The following ZCCHC4 variants were observed in gnomAD, a reference collection of about 807,000 sequenced individuals.
The protein encoded by ZCCHC4 is rRNA N(6)-adenosine-methyltransferase ZCCHC4.
In ZCCHC4, 54 loss-of-function variants were observed where a neutral mutation model predicts 67.7. The ratio of observed to expected loss-of-function variants is 0.80; its 90% CI spans 0.64 to 1.00. The LOEUF (loss-of-function observed/expected upper bound fraction) is 1.00. ZCCHC4 is among the 50% of genes least tolerant of loss of function. The pLI, the probability that ZCCHC4 is intolerant of heterozygous loss-of-function variation, is 0.00. For synonymous variants in ZCCHC4, 198 were observed against 213.5 expected, an observed-to-expected ratio of 0.93 and a Z score of 0.63; for missense variants, 609 against 617.0, an observed-to-expected ratio of 0.99 and a Z score of 0.14.
intron 10 of ZCCHC4, among the ~76,000 whole-genome samples, chr4:25,362,562 G>T (rs954998104): frequency 6.6e-6 from 1 of 152,092 alleles, no homozygotes. Context: ...CTCAAATAAG[G>T]CATTAAATGA....
At chr4:25,338,237 G>A (rs1447011220) in intron 5 of ZCCHC4, among the ~76,000 whole-genome samples, 1 of 152,094 alleles carries the variant, frequency 6.6e-6, no homozygotes, top group African/African-American at 2.4e-5. Flanking sequence ...GGGACCACAG[G>A]CGTGTGCCAC....
At chr4:25,323,264 C>T (rs1718679467) in intron 3 of ZCCHC4, among the ~76,000 whole-genome samples, 1 of 152,084 alleles carries the variant, frequency 6.6e-6, no homozygotes, top group African/African-American at 2.4e-5. Flanking sequence ...CAACTGTTAG[C>T]TTACTTTGTT....
At chr4:25,360,096 C>G (rs1022943350) in intron 8 of ZCCHC4, among the ~76,000 whole-genome samples, 1 of 152,212 alleles carries the variant, frequency 6.6e-6, no homozygotes, top group African/African-American at 2.4e-5. Flanking sequence ...GAGCCAGGAA[C>G]AGTTTGCCTT....
intron 3 of ZCCHC4, among the ~76,000 whole-genome samples, chr4:25,327,943 G>A (rs551946691): frequency 1.5e-4 from 23 of 152,190 alleles, no homozygotes; most frequent in East Asian, 7.7e-4. Flanking sequence ...ACTATATTTC[G>A]TCATGATGTA....
chr4:25,340,793 A>G (rs1452328761), intron 5 of ZCCHC4, among the ~76,000 whole-genome samples: 1 of 152,006 alleles, frequency 6.6e-6, no homozygotes, highest in African/African-American at 2.4e-5. Flanking sequence ...TGTGGTGTTA[A>G]TAGTACTCTG....
At chr4:25,366,040 C>A in intron 12 of ZCCHC4, 4 of 977,752 alleles carry the variant, frequency 4.1e-6, no homozygotes, top group Non-Finnish European at 4.9e-6. Flanking sequence ...TACCATGTGA[C>A]TATGACTTGT....
intron 5 of ZCCHC4, among the ~76,000 whole-genome samples, chr4:25,338,337 G>A (rs1327460557): frequency 6.6e-6 from 1 of 152,182 alleles, no homozygotes; most frequent in Non-Finnish European, 1.5e-5. Flanking sequence ...AATGCAGTGT[G>A]CCTGCCTCAG....
chr4:25,355,805 A>G (rs1352653606), intron 8 of ZCCHC4, among the ~76,000 whole-genome samples: 4 of 152,230 alleles, frequency 2.6e-5, no homozygotes, highest in Non-Finnish European at 4.4e-5. Context: ...AGATGTCCGC[A>G]TGTCAATTTC....
chr4:25,327,155 A>C (rs6813100), intron 3 of ZCCHC4, among the ~76,000 whole-genome samples: 66,317 of 151,988 alleles, frequency 0.44, 16,395 homozygotes, highest in Non-Finnish European at 0.56. Context: ...TTTAATGTTT[A>C]CTTTCCAATT....
intron 3 of ZCCHC4, among the ~76,000 whole-genome samples, chr4:25,322,147 G>A (rs1323403003): frequency 1.3e-5 from 2 of 152,170 alleles, no homozygotes; most frequent in Non-Finnish European, 2.9e-5. Context: ...TGTGATGCAG[G>A]CTGACAGGCT....
In ZCCHC4 at chr4:25,358,479, G is replaced by A. The variant is rs1290396144; in HGVS notation, c.1012-3380G>A. ...AATAGACTTTCTTGTAAAGTCTGTT[G>A]TATTAGATAAAAGATTAGAGTTGTT... On this transcript the variant is annotated intron_variant, in intron 8 of 12. Coordinates refer to ENST00000302874, the MANE Select transcript of ZCCHC4 (RefSeq NM_024936.3). Among the ~76,000 whole-genome samples the A allele has an allele frequency of 2.0e-5, 3 of 152,182 alleles. No individual in the cohort carries two copies. The East Asian group carries it at 5.8e-4, about 29-fold the overall frequency.
chr4:25,362,524 A>G (rs975717945), intron 10 of ZCCHC4, among the ~76,000 whole-genome samples: 1 of 152,224 alleles, frequency 6.6e-6, no homozygotes, highest in Non-Finnish European at 1.5e-5. Flanking sequence ...TTCAAATGGT[A>G]CTGTGTGACT....
intron 3 of ZCCHC4, among the ~76,000 whole-genome samples, chr4:25,328,640 G>GGC (rs1719015227): frequency 6.6e-6 from 1 of 152,032 alleles, no homozygotes; most frequent in Non-Finnish European, 1.5e-5. Context: ...GGAGTGCAGT[G>GGC]GTGCAATCAT....
Position 25,362,231 on chromosome 4 carries a change from GCT to G in ZCCHC4, c.1143_1144del (p.Pro382ValfsTer13), listed in dbSNP as rs1720766839. ...TTCTCTGTCCTTTACTCTAGATTTT[GCT>G]CTCCGTGTCAACGGTATGTTTCTCT... On this transcript the variant is annotated frameshift_variant, in exon 10 of 13. Coordinates refer to ENST00000302874, the MANE Select transcript of ZCCHC4 (RefSeq NM_024936.3). LOFTEE classifies it high-confidence loss of function. 5.6e-6 allele frequency: 9 copies of G among 1,609,384 alleles called. No homozygotes were observed. Among genetic ancestry groups the G allele is most frequent in the Non-Finnish European group, 7.6e-6 (9 of 1,177,668 alleles).
At chr4:25,333,688 C>G (rs1040831713) in intron 4 of ZCCHC4, among the ~76,000 whole-genome samples, 4 of 152,174 alleles carry the variant, frequency 2.6e-5, no homozygotes, top group African/African-American at 9.7e-5. Context: ...GATTTAACTG[C>G]TAAATTGTTT....
At chr4:25,365,702 T>G (rs1720914091) in intron 12 of ZCCHC4, 1 of 985,088 alleles carries the variant, frequency 1.0e-6, no homozygotes, top group Non-Finnish European at 1.2e-6. Context: ...TGTGATTATT[T>G]TCACATCTCT....
intron 4 of ZCCHC4, 66 bp from the exon 5 acceptor site, chr4:25,333,842 T>C: frequency 9.2e-7 from 1 of 1,086,070 alleles, no homozygotes; most frequent in South Asian, 1.7e-5. Flanking sequence ...GGTTTTGTTG[T>C]TTGTTTGTTT....
chr4:25,358,217 A>G (rs1203414233), intron 8 of ZCCHC4, among the ~76,000 whole-genome samples: 1 of 152,230 alleles, frequency 6.6e-6, no homozygotes, highest in Non-Finnish European at 1.5e-5. Flanking sequence ...GAGAACAACA[A>G]TAATTGTGAA....
chr4:25,333,272 A>G lies in ZCCHC4; in HGVS notation c.419A>G (p.His140Arg). The G allele has an allele frequency of 2.5e-6, 4 of 1,614,206 alleles. No individual in the cohort carries two copies. Among genetic ancestry groups the G allele is most frequent in the Non-Finnish European group, 3.4e-6 (4 of 1,180,014 alleles). The change falls in exon 4 of 13, where the codon CAT becomes CGT. Residue 140 changes from histidine (H) to arginine (R), a missense_variant. Physicochemically the swap from His to Arg is conservative, Grantham distance 29. Transcript: ENST00000302874. ...TTGTTACCAGATGACTGGGGGCAAC[A>G]TAGTGAGCATCAGGTTCTGGGTAAT... Reference protein sequence around the residue: ...QLLLPDDWGQHSEHQVLGNVS... With the variant: ...QLLLPDDWGQRSEHQVLGNVS...
Sources: allele counts gnomAD v4.1 joint callset (sites outside exome capture counted in the v4.1 genomes callset), GRCh38; gene constraint gnomAD v4.1.1; transcripts MANE v1.5; gene names NCBI Gene and HGNC (gene_info 2026-07-23, HGNC 2026-07-21).